PDE1C: variants seen among roughly 807,000 people sequenced by gnomAD.
PDE1C encodes the protein dual specificity calcium/calmodulin-dependent 3',5'-cyclic nucleotide phosphodiesterase 1C.
A neutral mutation model predicts 93.1 loss-of-function variants in PDE1C; 62 were observed. The observed-to-expected ratio is 0.67, with a 90% confidence interval of 0.54 to 0.82. The LOEUF is 0.82. Ranked by LOEUF, PDE1C falls within the 40% of genes least tolerant of loss-of-function variation. PDE1C has a pLI of 0.00. For synonymous variants in PDE1C, 325 were observed against 310.1 expected (o/e 1.05, Z -0.50); for missense variants, 742 against 884.6 (o/e 0.84, Z 2.04).
At chr7:32,386,927 G>T (rs1485376442) in intron 1 of PDE1C, among the ~76,000 whole-genome samples, 2 of 151,054 alleles carry the variant, frequency 1.3e-5, no homozygotes, top group Non-Finnish European at 2.9e-5. Context: ...TCGCAGAGGG[G>T]GATTTGGCAG....
At chr7:31,921,124 G>C (rs1187038580) in intron 2 of PDE1C, among the ~76,000 whole-genome samples, 1 of 152,102 alleles carries the variant, frequency 6.6e-6, no homozygotes, top group South Asian at 2.1e-4. Flanking sequence ...ACCCTTGTCT[G>C]GTGCATCTTT....
intron 16 of PDE1C, chr7:31,787,378 C>G (rs896415530): frequency 2.6e-5 from 4 of 152,140 alleles, no homozygotes; most frequent in Admixed American, 2.6e-4. Flanking sequence ...AAATGAGTCT[C>G]TTGTCTGCTG....
At chr7:32,414,750 A>C (rs1785237771) in intron 1 of PDE1C, among the ~76,000 whole-genome samples, 1 of 152,160 alleles carries the variant, frequency 6.6e-6, no homozygotes, top group Admixed American at 6.5e-5. Flanking sequence ...ACAGATTCAA[A>C]AAGTGCAGTA....
At chr7:32,012,009 C>T (rs1438003772) in intron 2 of PDE1C, among the ~76,000 whole-genome samples, 1 of 152,066 alleles carries the variant, frequency 6.6e-6, no homozygotes, top group Non-Finnish European at 1.5e-5. Context: ...AAGGAATGAA[C>T]CATTGATATA....
intron 3 of PDE1C, among the ~76,000 whole-genome samples, chr7:32,097,219 A>G (rs1232450434): frequency 6.6e-6 from 1 of 152,232 alleles, no homozygotes; most frequent in Non-Finnish European, 1.5e-5. Context: ...TCTCATCCAG[A>G]AACACCCTCC....
At chr7:31,785,901 G>C (rs77309697) in intron 16 of PDE1C, 1 of 152,288 alleles carries the variant, frequency 6.6e-6, no homozygotes, top group Admixed American at 6.5e-5. Context: ...TAGGAATATT[G>C]TCATTGCTCA....
intron 3 of PDE1C, among the ~76,000 whole-genome samples, chr7:32,100,641 GC>G (rs1306528947): frequency 5.3e-5 from 8 of 152,136 alleles, no homozygotes; most frequent in Non-Finnish European, 1.0e-4. Context: ...CAATAAGAAT[GC>G]CCAATAAATC....
the PDE1C span, among the ~76,000 whole-genome samples, chr7:31,647,795 T>C: frequency 6.6e-6 from 1 of 151,704 alleles, no homozygotes; most frequent in African/African-American, 2.4e-5. Context: ...ACTTGAAGAC[T>C]CAAAAACATC....
chr7:31,836,523 T>A (rs1346023337), intron 11 of PDE1C, among the ~76,000 whole-genome samples: 1 of 152,024 alleles, frequency 6.6e-6, no homozygotes, highest in African/African-American at 2.4e-5. Context: ...TTAGTAGAGA[T>A]GGGGTTTCAC....
At chr7:31,763,522 A>G (rs1292370026) in intron 17 of PDE1C, among the ~76,000 whole-genome samples, 1 of 152,188 alleles carries the variant, frequency 6.6e-6, no homozygotes, top group Non-Finnish European at 1.5e-5. Context: ...TGAAATCCTA[A>G]GTAAATAATC....
intron 2 of PDE1C, among the ~76,000 whole-genome samples, chr7:31,917,142 G>A (rs747232519): frequency 2.6e-5 from 4 of 152,044 alleles, no homozygotes; most frequent in Non-Finnish European, 5.9e-5. Flanking sequence ...CCCGCCTATA[G>A]GTAAATGGTC....
intron 2 of PDE1C, among the ~76,000 whole-genome samples, chr7:31,935,368 G>A (rs1804896462): frequency 6.6e-6 from 1 of 152,054 alleles, no homozygotes; most frequent in Non-Finnish European, 1.5e-5. Context: ...CTTGCCCCAG[G>A]CCTGCACTTC....
chr7:31,742,896 C>T, the PDE1C span, among the ~76,000 whole-genome samples: 15 of 152,292 alleles, frequency 9.8e-5, no homozygotes, highest in African/African-American at 3.4e-4. Flanking sequence ...CACCCTACTC[C>T]AATGATCTCT....
chr7:31,986,395 T>C (rs1488923508), intron 2 of PDE1C, among the ~76,000 whole-genome samples: 1 of 152,320 alleles, frequency 6.6e-6, no homozygotes, highest in Non-Finnish European at 1.5e-5. Context: ...TGACTAGTTA[T>C]ATCTGCAAAG....
At chr7:32,010,418 T>A (rs1383710189) in intron 2 of PDE1C, among the ~76,000 whole-genome samples, 1 of 152,164 alleles carries the variant, frequency 6.6e-6, no homozygotes, top group Admixed American at 6.5e-5. Context: ...CAAATGAGGC[T>A]GAAACTACCG....
At chr7:31,903,489 T>C (rs1563004523) in intron 2 of PDE1C, among the ~76,000 whole-genome samples, 1 of 152,042 alleles carries the variant, frequency 6.6e-6, no homozygotes, top group Non-Finnish European at 1.5e-5. Flanking sequence ...AACCAACTTT[T>C]CATACATCAG....
At chr7:32,252,317 A>G (rs1809454610) in intron 1 of PDE1C, among the ~76,000 whole-genome samples, 1 of 152,218 alleles carries the variant, frequency 6.6e-6, no homozygotes, top group South Asian at 2.1e-4. Context: ...AGGCAGTCAC[A>G]ATATCTTCCC....
At chr7:32,051,696 C>T (rs1793404503) in intron 1 of PDE1C, 116 bp from the exon 2 acceptor site, 3 of 806,290 alleles carry the variant, frequency 3.7e-6, no homozygotes, top group Non-Finnish European at 6.4e-6. Context: ...GGGGGTTTCT[C>T]TGTGAAGCTT....
At chr7:32,379,860 T>C (rs1335545215) in intron 1 of PDE1C, among the ~76,000 whole-genome samples, 1 of 152,248 alleles carries the variant, frequency 6.6e-6, no homozygotes, top group Non-Finnish European at 1.5e-5. Flanking sequence ...TGCAGGATTC[T>C]ATGCCTTTGC....
Sources: gnomAD v4.1 joint callset for allele counts (sites outside exome capture counted in the v4.1 genomes callset) on GRCh38, gnomAD v4.1.1 for gene constraint, MANE v1.5 for transcripts, NCBI Gene and HGNC (gene_info 2026-07-23, HGNC 2026-07-21) for gene names.